Variants in FNDC3A observed in about 807,000 individuals in gnomAD.
FNDC3A encodes fibronectin type III domain containing 3A, also known as fibronectin type-III domain-containing protein 3A.
Under a neutral mutation model 148.9 loss-of-function variants are expected in FNDC3A, and 32 were observed. That is an observed-to-expected ratio of 0.21 (90% CI 0.16 to 0.29). The LOEUF is 0.29. Ranked by LOEUF, FNDC3A falls within the 10% of genes least tolerant of loss-of-function variation. FNDC3A has a pLI of 1.00. For missense variants in FNDC3A, 1,191 were observed against 1,452.8 expected (o/e 0.82, Z 2.93); for synonymous variants, 472 against 473.6 (o/e 1.00, Z 0.04).
rs1012090543 is a variant in FNDC3A at position 49,207,000 on chromosome 13, C to T, written c.3283-81C>T. 1.1e-5 allele frequency: 11 copies of T among 994,774 alleles called. No individual in the cohort carries two copies. In the African/African-American group the frequency reaches 1.3e-4, roughly 12 times the overall value. 61.6% of individuals were successfully genotyped at this position (994,774 alleles called of 1,614,324 possible). A position where few individuals can be genotyped will look rare whatever the true frequency, so the allele number is the denominator to read the frequency against. On this transcript the variant is annotated intron_variant, in intron 25 of 25. Coordinates refer to ENST00000492622, the MANE Select transcript of FNDC3A (RefSeq NM_001079673.2). ...CATTCACTGGCTTTCACATGAAAAA[C>T]AATTCTAACACTAGCCAGTTTTAAC...
At chr13:49,072,048 T>C (rs1203145129) in intron 2 of FNDC3A, among the ~76,000 whole-genome samples, 2 of 152,166 alleles carry the variant, frequency 1.3e-5, no homozygotes, top group African/African-American at 4.8e-5. Context: ...TTTTTGCTTT[T>C]GTTGCCTGTG....
intron 19 of FNDC3A, among the ~76,000 whole-genome samples, chr13:49,193,247 T>C (rs1273262962): frequency 1.3e-5 from 2 of 152,160 alleles, no homozygotes; most frequent in African/African-American, 4.8e-5. Flanking sequence ...TTTGTATGTA[T>C]GTGTGTGTAT....
intron 2 of FNDC3A, among the ~76,000 whole-genome samples, chr13:49,064,684 G>T (rs188578533): frequency 6.9e-4 from 105 of 152,254 alleles, no homozygotes; most frequent in African/African-American, 2.3e-3. Context: ...TGCATGTAAT[G>T]ATAATGATGC....
chr13:49,081,882 C>T (rs544386297), intron 3 of FNDC3A, among the ~76,000 whole-genome samples: 1 of 151,812 alleles, frequency 6.6e-6, no homozygotes, highest in South Asian at 2.1e-4. Context: ...ATCATCAGAC[C>T]GTTGCCAGTC....
At chr13:49,003,641 T>G (rs1053069886) in intron 1 of FNDC3A, among the ~76,000 whole-genome samples, 49 of 152,196 alleles carry the variant, frequency 3.2e-4, no homozygotes, top group African/African-American at 1.2e-3. Context: ...ATGAAGATAT[T>G]CTTCTGCATT....
intron 25 of FNDC3A, 42 bp from the exon 26 acceptor site, chr13:49,207,039 A>G: frequency 6.9e-7 from 1 of 1,444,386 alleles, no homozygotes; most frequent in Non-Finnish European, 9.6e-7. Context: ...TTTTCTGTCC[A>G]GCCTTCACAC....
At chr13:49,026,680 T>C (rs973837102) in intron 2 of FNDC3A, among the ~76,000 whole-genome samples, 1 of 152,102 alleles carries the variant, frequency 6.6e-6, no homozygotes, top group African/African-American at 2.4e-5. Context: ...ATTCTGTTAT[T>C]TTTTTATAGA....
rs1593610138 is a variant in FNDC3A at position 49,115,547 on chromosome 13, A to G, written c.252+816A>G. On this transcript the variant is annotated intron_variant, in intron 4 of 25. Transcript: ENST00000492622. The stretch of plus-strand genomic sequence containing the variant: ...AGCACACCATCATATGAACCACAGC[A>G]AAAGAAGAGCGTGCTGGGAAGGAGA... 1.3e-5 allele frequency among the ~76,000 whole-genome samples: 2 copies of G among 152,332 alleles called. 1 individual carries two copies. The highest frequency in any genetic ancestry group is 1.3e-4 in the Admixed American group (2 of 15,302).
intron 3 of FNDC3A, chr13:49,110,455 G>A (rs1880490532): frequency 8.2e-7 from 1 of 1,225,894 alleles, no homozygotes; most frequent in Non-Finnish European, 1.2e-6. Flanking sequence ...AAGACAGAAA[G>A]CATTGTATTA....
intron 2 of FNDC3A, among the ~76,000 whole-genome samples, chr13:49,031,389 A>G (rs749418181): frequency 2.7e-4 from 41 of 152,282 alleles, no homozygotes; most frequent in African/African-American, 4.3e-4. Flanking sequence ...TCTCAAATAA[A>G]TAAATAAAAC....
intron 3 of FNDC3A, among the ~76,000 whole-genome samples, chr13:49,099,781 T>G (rs1319425099): frequency 6.6e-6 from 1 of 152,118 alleles, no homozygotes; most frequent in African/African-American, 2.4e-5. Context: ...ATATTTGAAG[T>G]ATTTACACAT....
intron 2 of FNDC3A, among the ~76,000 whole-genome samples, chr13:49,025,196 G>A (rs554726577): frequency 6.6e-6 from 1 of 151,790 alleles, no homozygotes; most frequent in African/African-American, 2.4e-5. Context: ...TGTTCCTGAG[G>A]ATTTATAATT....
chr13:49,095,853 A>G (rs1879492974), intron 3 of FNDC3A, among the ~76,000 whole-genome samples: 1 of 152,062 alleles, frequency 6.6e-6, no homozygotes, highest in Non-Finnish European at 1.5e-5. Flanking sequence ...TAAAGAAACT[A>G]CCGTGCATTT....
chr13:49,071,405 GCTGGGTC>G, intron 2 of FNDC3A, among the ~76,000 whole-genome samples: 1 of 152,208 alleles, frequency 6.6e-6, no homozygotes, highest in Non-Finnish European at 1.5e-5. Context: ...CAGTAGGATT[GCTGGGTC>G]ATATGGTAGT....
Position 49,189,368 on chromosome 13 carries a change from A to G in FNDC3A, c.1944+735A>G, listed in dbSNP as rs1885759276. ...TGGCTAATTTTTGTATTTTTAGTAG[A>G]GACGGGGTTTTACCATGTTGGCCAG... On this transcript the variant is annotated intron_variant, in intron 17 of 25. Coordinates refer to ENST00000492622, the MANE Select transcript of FNDC3A (RefSeq NM_001079673.2). 4.6e-5 allele frequency among the ~76,000 whole-genome samples: 7 copies of G among 152,102 alleles called. No individual in the cohort carries two copies. The South Asian group carries it at 1.5e-3, about 32-fold the overall frequency.
At chr13:49,081,640 C>T (rs1566237907) in intron 3 of FNDC3A, among the ~76,000 whole-genome samples, 1 of 152,148 alleles carries the variant, frequency 6.6e-6, no homozygotes, top group Non-Finnish European at 1.5e-5. Context: ...AACCATAGAA[C>T]CCAAGACCTA....
intron 2 of FNDC3A, among the ~76,000 whole-genome samples, chr13:49,043,760 T>C (rs1326559604): frequency 1.3e-5 from 2 of 152,176 alleles, no homozygotes; most frequent in Non-Finnish European, 2.9e-5. Context: ...AAACTTTTTG[T>C]ATTCTGGATT....
intron 2 of FNDC3A, among the ~76,000 whole-genome samples, chr13:49,053,012 C>A (rs2137717228): frequency 6.6e-6 from 1 of 152,264 alleles, no homozygotes; most frequent in East Asian, 1.9e-4. Context: ...AAAGCCGGCA[C>A]TCACAGGCCT....
chr13:49,170,852 C>T lies in FNDC3A; in HGVS notation c.1177-1191C>T, dbSNP rs1593701007. Among the ~76,000 whole-genome samples, 4 of 152,100 alleles carry T rather than the reference C, an allele frequency of 2.6e-5. No homozygotes were observed. The South Asian group carries it at 8.3e-4, about 32-fold the overall frequency. On this transcript the variant is annotated intron_variant, in intron 10 of 25. Coordinates refer to ENST00000492622, the MANE Select transcript of FNDC3A (RefSeq NM_001079673.2). Reference sequence around the variant, plus strand: ...AGGTTAAGGTGGACATTTTAATAGCCTCACTGGAAAAAGAGAAAAATTAAT... The same window carrying T: ...AGGTTAAGGTGGACATTTTAATAGCTTCACTGGAAAAAGAGAAAAATTAAT...
Sources: allele counts gnomAD v4.1 joint callset (sites outside exome capture counted in the v4.1 genomes callset), GRCh38; gene constraint gnomAD v4.1.1; transcripts MANE v1.5; gene names NCBI Gene and HGNC (gene_info 2026-07-23, HGNC 2026-07-21).